DDC: variants seen among roughly 807,000 people sequenced by gnomAD.
DDC encodes the protein aromatic-L-amino-acid decarboxylase.
Under a neutral mutation model 60.0 loss-of-function variants are expected in DDC, and 43 were observed. The observed-to-expected ratio is 0.72, with a 90% CI of 0.56 to 0.92. DDC has a LOEUF of 0.92. Among genes scored for constraint, DDC ranks in the 40% least tolerant of loss-of-function variants. DDC has a pLI of 0.00. For synonymous variants in DDC, 232 were observed against 234.6 expected (o/e 0.99, Z 0.10); for missense variants, 573 against 620.2 (o/e 0.92, Z 0.81).
chr7:50,480,487 A>C (rs1206037911), intron 9 of DDC, among the ~76,000 whole-genome samples: 4 of 151,884 alleles, frequency 2.6e-5, no homozygotes, highest in Non-Finnish European at 5.9e-5. Flanking sequence ...GGTTATGGGA[A>C]CCCCCCTGAG....
At chr7:50,483,487 C>A (rs917657576) in intron 9 of DDC, among the ~76,000 whole-genome samples, 2 of 152,126 alleles carry the variant, frequency 1.3e-5, no homozygotes, top group African/African-American at 4.8e-5. Flanking sequence ...GTTTTAGAAT[C>A]AAATTTAGAC....
chr7:50,522,415 C>G (rs1047874589), intron 6 of DDC, among the ~76,000 whole-genome samples: 1 of 152,152 alleles, frequency 6.6e-6, no homozygotes, highest in African/African-American at 2.4e-5. Context: ...TTTTGCTAAA[C>G]TGATTCTAAT....
chr7:50,491,364 T>C (rs186118495), intron 9 of DDC, among the ~76,000 whole-genome samples: 7 of 152,274 alleles, frequency 4.6e-5, no homozygotes, highest in Admixed American at 2.0e-4. Flanking sequence ...TTTTCCTTCA[T>C]GGGTCATGAG....
chr7:50,529,927 T>A (rs2044150558), intron 4 of DDC, among the ~76,000 whole-genome samples: 1 of 151,926 alleles, frequency 6.6e-6, no homozygotes. Context: ...GAGAGGTAAT[T>A]AAAAGAAAAT....
At chr7:50,550,394 G>C (rs1272815900) in intron 1 of DDC, among the ~76,000 whole-genome samples, 1 of 152,174 alleles carries the variant, frequency 6.6e-6, no homozygotes, top group African/African-American at 2.4e-5. Flanking sequence ...GTATGCACTG[G>C]AGAGAAAAAA....
rs761895984 is a variant in DDC, at chr7:50,479,775, C to G, written c.1021+12G>C. 14 of 1,612,370 alleles carry G rather than the reference C, an allele frequency of 8.7e-6. No homozygotes were observed. Among genetic ancestry groups the G allele is most frequent in the Non-Finnish European group, 1.2e-5 (14 of 1,179,062 alleles). ...CCAGAAACAGTCCACAGAAAGCAGG[C>G]TCACAGCTTACCTGAATCCTGATGG... On this transcript the variant is annotated intron_variant, in intron 10 of 14. Coordinates refer to ENST00000444124, the MANE Select transcript of DDC (RefSeq NM_001082971.2).
intron 13 of DDC, 137 bp downstream of exon 13, chr7:50,467,077 G>C (rs952335454): frequency 2.4e-6 from 2 of 840,188 alleles, no homozygotes. Flanking sequence ...AGGGCAGGCC[G>C]GTGGGCCAAA....
chr7:50,527,451 T>C (rs1316571148), intron 6 of DDC, among the ~76,000 whole-genome samples: 1 of 152,216 alleles, frequency 6.6e-6, no homozygotes, highest in Non-Finnish European at 1.5e-5. Flanking sequence ...ATTCAAATTG[T>C]ACTGAAATTG....
At chr7:50,506,374 G>A (rs922372184) in intron 6 of DDC, among the ~76,000 whole-genome samples, 2 of 152,176 alleles carry the variant, frequency 1.3e-5, no homozygotes, top group African/African-American at 2.4e-5. Context: ...GGAGTGGGGA[G>A]GGATAGCATT....
chr7:50,526,213 T>G (rs1225541015), intron 6 of DDC, among the ~76,000 whole-genome samples: 2 of 152,204 alleles, frequency 1.3e-5, no homozygotes, highest in Non-Finnish European at 2.9e-5. Flanking sequence ...TTTTTGTATG[T>G]TCTTCATCAT....
chr7:50,507,296 G>A (rs2043425127), intron 6 of DDC, among the ~76,000 whole-genome samples: 1 of 151,898 alleles, frequency 6.6e-6, no homozygotes, highest in Admixed American at 6.6e-5. Context: ...GGAGTGCAGT[G>A]GTGCGATCTC....
chr7:50,536,931 A>C (rs1198661068), intron 4 of DDC, among the ~76,000 whole-genome samples: 2 of 152,130 alleles, frequency 1.3e-5, no homozygotes, highest in East Asian at 3.8e-4. Flanking sequence ...CTTTTTCCCA[A>C]AGTTAACAAT....
chr7:50,559,963 C>T (rs2045303120), intron 1 of DDC, among the ~76,000 whole-genome samples: 1 of 152,154 alleles, frequency 6.6e-6, no homozygotes, highest in Admixed American at 6.5e-5. Flanking sequence ...TGTGTAGACG[C>T]CCACCTAGCG....
At chr7:50,555,362 T>C (rs1174047956) in intron 1 of DDC, among the ~76,000 whole-genome samples, 1 of 152,086 alleles carries the variant, frequency 6.6e-6, no homozygotes, top group Non-Finnish European at 1.5e-5. Flanking sequence ...GCTTTATTGG[T>C]GAGAGCTATT....
chr7:50,526,150 A>C (rs1169965852), intron 6 of DDC, among the ~76,000 whole-genome samples: 1 of 152,228 alleles, frequency 6.6e-6, no homozygotes, highest in African/African-American at 2.4e-5. Flanking sequence ...ACAGTAAAAC[A>C]AAGACAAAAA....
intron 7 of DDC, among the ~76,000 whole-genome samples, chr7:50,502,239 C>A (rs553072737): frequency 6.6e-6 from 1 of 152,298 alleles, no homozygotes; most frequent in African/African-American, 2.4e-5. Context: ...GCACAGCCTC[C>A]AGCCTCTACA....
chr7:50,467,977 C>T (rs2042435237), intron 12 of DDC, among the ~76,000 whole-genome samples: 1 of 152,240 alleles, frequency 6.6e-6, no homozygotes, highest in Non-Finnish European at 1.5e-5. Flanking sequence ...CCTTATTTCA[C>T]TTCCAAATAG....
At chr7:50,514,866 A>G (rs1433769538) in intron 6 of DDC, among the ~76,000 whole-genome samples, 1 of 152,214 alleles carries the variant, frequency 6.6e-6, no homozygotes, top group Non-Finnish European at 1.5e-5. Context: ...CAATCCAACA[A>G]AGATAAAGAA....
chr7:50,501,293 T>C (rs73697574), intron 7 of DDC, among the ~76,000 whole-genome samples: 5,854 of 152,290 alleles, frequency 0.038, 236 homozygotes, highest in African/African-American at 0.1. Context: ...TGCTATTCCC[T>C]TCCTCACACC....
Sources: allele counts gnomAD v4.1 joint callset (sites outside exome capture counted in the v4.1 genomes callset), GRCh38; gene constraint gnomAD v4.1.1; transcripts MANE v1.5; gene names NCBI Gene and HGNC (gene_info 2026-07-23, HGNC 2026-07-21).